The following SEPTIN10 variants were observed in gnomAD, a reference collection of about 807,000 sequenced individuals.
SEPTIN10 encodes septin 10.
SEPTIN10 carries 66 observed loss-of-function variants against 54.8 expected under a neutral mutation model. That is an observed-to-expected ratio of 1.21 (90% CI 0.99 to 1.48). The LOEUF is 1.48. SEPTIN10 is among the 40% of genes most tolerant of loss of function. SEPTIN10 has a pLI of 0.00. For missense variants in SEPTIN10, 620 were observed against 545.6 expected (o/e 1.14, Z -1.36); for synonymous variants, 161 against 181.0 (o/e 0.89, Z 0.89).
intron 8 of SEPTIN10, among the ~76,000 whole-genome samples, chr2:109,561,077 G>C (rs1437068361): frequency 6.6e-6 from 1 of 151,896 alleles, no homozygotes. Context: ...TTCCCCTTAG[G>C]ACAAAGATCA....
At position 109,564,487 on chromosome 2, in the gene SEPTIN10, T is replaced by A. The variant is rs1558750307; in HGVS notation, c.907A>T (p.Ile303Phe). The A allele has an allele frequency of 6.4e-7, 1 of 1,573,044 alleles. No homozygotes were observed. The highest frequency in any genetic ancestry group is 2.3e-5 in the East Asian group (1 of 43,910). Residue 303 changes from isoleucine to phenylalanine, a missense_variant, in exon 8 of 11, where the codon ATT becomes TTT. Coordinates refer to ENST00000397712, the MANE Select transcript of SEPTIN10 (RefSeq NM_144710.5). Reference protein sequence around the residue: ...CDFVKLREMLICTNMEDLREQ... With the variant: ...CDFVKLREMLFCTNMEDLREQ... ...CGCAGGTCCTCCATATTTGTACAAA[T>A]GAGCATTTCCCGCAGCTTTACAAAG... is the stretch of plus-strand genomic sequence containing the variant.
At position 109,563,556 on chromosome 2, in the gene SEPTIN10, T is replaced by C. The variant is rs562982891; in HGVS notation, c.1028+810A>G. ...ATCAAATTGATCTGATTCAGTACAC[T>C]AAGGATTTGAGTTGCATAAAGTCTG... On this transcript the variant is annotated intron_variant, in intron 8 of 10. Transcript: ENST00000397712. Among the ~76,000 whole-genome samples, 3 of 152,344 alleles carry C rather than the reference T, an allele frequency of 2.0e-5. No homozygotes were observed. In the South Asian group the frequency reaches 6.2e-4, roughly 32 times the overall value.
chr2:109,566,183 C>T (rs1686972015), intron 6 of SEPTIN10, among the ~76,000 whole-genome samples: 3 of 152,016 alleles, frequency 2.0e-5, no homozygotes, highest in Non-Finnish European at 4.4e-5. Flanking sequence ...TGCAGTGACA[C>T]GATCTCATCT....
intron 9 of SEPTIN10, among the ~76,000 whole-genome samples, chr2:109,546,937 T>C (rs1317846904): frequency 6.6e-6 from 1 of 152,208 alleles, no homozygotes; most frequent in African/African-American, 2.4e-5. Context: ...GAGAGCAGAA[T>C]GTGCAGGACT....
Position 109,553,067 on chromosome 2 carries a change from C to T in SEPTIN10, c.1161+20G>A, listed in dbSNP as rs1253790305. 1.2e-6 allele frequency: 2 copies of T among 1,606,708 alleles called. No individual in the cohort carries two copies. The highest frequency in any genetic ancestry group is 1.1e-5 in the South Asian group (1 of 89,458). Reference sequence around the variant, plus strand: ...ACATCTAAAAAATAAATGCAAATCACATCAAACCAGCATACTTGCCTCTCT... The same window carrying T: ...ACATCTAAAAAATAAATGCAAATCATATCAAACCAGCATACTTGCCTCTCT... On this transcript the variant is annotated intron_variant, in intron 9 of 10. Transcript: ENST00000397712.
intron 8 of SEPTIN10, among the ~76,000 whole-genome samples, chr2:109,556,079 A>C (rs1436533758): frequency 6.6e-6 from 1 of 152,168 alleles, no homozygotes; most frequent in African/African-American, 2.4e-5. Context: ...TTCTTTATAA[A>C]TGTTCATAGA....
chr2:109,587,052 A>C (rs1215812258), intron 2 of SEPTIN10, among the ~76,000 whole-genome samples: 1 of 152,240 alleles, frequency 6.6e-6, no homozygotes, highest in Non-Finnish European at 1.5e-5. Flanking sequence ...ACAGAAAGAG[A>C]GCCACAATGA....
intron 5 of SEPTIN10, among the ~76,000 whole-genome samples, chr2:109,569,386 G>A (rs989802457): frequency 1.3e-5 from 2 of 149,880 alleles, no homozygotes; most frequent in South Asian, 2.1e-4. Flanking sequence ...AGCCGAGATC[G>A]CGTCATTGCA....
chr2:109,585,696 T>C (rs1032380482), intron 3 of SEPTIN10, 25 bp downstream of exon 3: 25 of 1,474,708 alleles, frequency 1.7e-5, no homozygotes, highest in Non-Finnish European at 2.4e-5. Flanking sequence ...AGGAACAACT[T>C]AGAGGAAGAG....
intron 1 of SEPTIN10, among the ~76,000 whole-genome samples, chr2:109,598,382 C>T (rs958623068): frequency 5.3e-5 from 8 of 151,964 alleles, no homozygotes; most frequent in Non-Finnish European, 1.2e-4. Context: ...AATCACTTGA[C>T]TTTAACTTCA....
intron 1 of SEPTIN10, among the ~76,000 whole-genome samples, chr2:109,602,792 T>C (rs1276548439): frequency 6.6e-6 from 1 of 151,714 alleles, no homozygotes; most frequent in African/African-American, 2.4e-5. Context: ...AGTCATTTAT[T>C]TAGCCCAGGA....
intron 5 of SEPTIN10, among the ~76,000 whole-genome samples, 185 bp downstream of exon 5, chr2:109,574,396 C>T (rs576142127): frequency 7.4e-5 from 10 of 135,976 alleles, no homozygotes; most frequent in Non-Finnish European, 1.4e-4. Context: ...CAGTAAGCCA[C>T]GATCTCACAA....
At chr2:109,595,954 T>C (rs1695214162) in intron 1 of SEPTIN10, among the ~76,000 whole-genome samples, 2 of 152,244 alleles carry the variant, frequency 1.3e-5, no homozygotes, top group African/African-American at 4.8e-5. Flanking sequence ...CATCTGTGTC[T>C]ACTATAAGTG....
chr2:109,553,139 A>C lies in SEPTIN10; in HGVS notation c.1109T>G (p.Phe370Cys), dbSNP rs1274094142. The C allele has an allele frequency of 1.9e-6, 3 of 1,613,852 alleles. No homozygotes were observed. The highest frequency in any genetic ancestry group is 4.5e-5 in the East Asian group (2 of 44,892). Residue 370 changes from phenylalanine (F) to cysteine (C), a missense_variant, in exon 9 of 11, where the codon TTT (phenylalanine) becomes TGT (cysteine). Phe to Cys is a radical substitution (Grantham distance 205). Coordinates refer to ENST00000397712, the MANE Select transcript of SEPTIN10 (RefSeq NM_144710.5). ...TTCTTTCTCCTTTACTCGCTGCACAAACATCTGTTTCATTTCTTCTTCCTT... is the reference window on the plus strand; with the variant it reads ...TTCTTTCTCCTTTACTCGCTGCACACACATCTGTTTCATTTCTTCTTCCTT... ...QRKEEEMKQMFVQRVKEKEAI... is the reference protein window; with the variant it reads ...QRKEEEMKQMCVQRVKEKEAI...
intron 5 of SEPTIN10, among the ~76,000 whole-genome samples, chr2:109,569,218 C>T (rs866552909): frequency 6.6e-6 from 1 of 152,028 alleles, no homozygotes; most frequent in Non-Finnish European, 1.5e-5. Flanking sequence ...CACCTGAGGT[C>T]GGGAGTTCGA....
At chr2:109,603,518 C>T (rs1020476241) in intron 1 of SEPTIN10, among the ~76,000 whole-genome samples, 3 of 151,906 alleles carry the variant, frequency 2.0e-5, no homozygotes, top group African/African-American at 4.8e-5. Context: ...GGATTACAGG[C>T]GTGCACCACC....
chr2:109,612,264 A>C (rs546068262), intron 1 of SEPTIN10, among the ~76,000 whole-genome samples: 25 of 152,330 alleles, frequency 1.6e-4, no homozygotes, highest in African/African-American at 6.0e-4. Context: ...CAAAATTATA[A>C]GAATAAAAAC....
chr2:109,546,518 G>A (rs552202723), intron 9 of SEPTIN10, among the ~76,000 whole-genome samples: 10 of 151,358 alleles, frequency 6.6e-5, no homozygotes, highest in African/African-American at 1.2e-4. Context: ...TTATTTTCTC[G>A]GTGTGTATTT....
At chr2:109,598,038 C>T (rs1301877564) in intron 1 of SEPTIN10, among the ~76,000 whole-genome samples, 1 of 152,118 alleles carries the variant, frequency 6.6e-6, no homozygotes, top group Non-Finnish European at 1.5e-5. Context: ...AAACAGAATC[C>T]TGACTTAGCT....
Sources: allele counts gnomAD v4.1 joint callset (sites outside exome capture counted in the v4.1 genomes callset), GRCh38; gene constraint gnomAD v4.1.1; transcripts MANE v1.5; gene names NCBI Gene and HGNC (gene_info 2026-07-23, HGNC 2026-07-21).